NFIC: variants seen among roughly 807,000 people sequenced by gnomAD.
NFIC encodes nuclear factor 1 C-type.
NFIC carries 12 observed loss-of-function variants against 54.4 expected under a neutral mutation model. That is an observed-to-expected ratio of 0.22 (90% CI 0.14 to 0.36). The LOEUF is 0.36. NFIC is among the 10% of genes least tolerant of loss of function. The probability of loss-of-function intolerance (pLI) is 1.00; values close to 1 mark genes in which losing one functional copy is unlikely to be tolerated. For missense variants in NFIC, 575 were observed against 718.2 expected (o/e 0.80, Z 2.28); for synonymous variants, 322 against 319.2 (o/e 1.01, Z -0.09).
rs146145775 is a variant in NFIC at position 3,452,561 on chromosome 19, C to T, written c.1164C>T (p.Tyr388=). The T allele has an allele frequency of 2.5e-5, 40 of 1,613,812 alleles. No homozygotes were observed. Among genetic ancestry groups the T allele is most frequent in the Non-Finnish European group, 3.4e-5 (40 of 1,180,032 alleles). Residue 388 remains tyrosine (Y), a synonymous_variant, in exon 8 of 11, where the codon TAC becomes TAT. Transcript: ENST00000443272. This position sits in a 1 kb window ranked among gnomAD's most constrained non-coding sequence, Gnocchi z 5.3. ...TSILPQTAST[Y]FPHTAIRYPP... ...TCCTACCCCAGACGGCCTCCACCTACTTCCCCCACACGGCCATCCGCTACC... is the reference window on the plus strand; with the variant it reads ...TCCTACCCCAGACGGCCTCCACCTATTTCCCCCACACGGCCATCCGCTACC...
At chr19:3,433,244 C>G (rs914548423) in intron 3 of NFIC, among the ~76,000 whole-genome samples, 2 of 152,260 alleles carry the variant, frequency 1.3e-5, no homozygotes, top group Non-Finnish European at 2.9e-5. Flanking sequence ...GGATTACAGG[C>G]ATGAGCCACT....
Position 3,408,148 on chromosome 19 carries a change from G to A in NFIC, c.563-16958G>A, listed in dbSNP as rs759941009. ...TGGAAAATCAACCAGGCGAGCTCAC[G>A]GTGGCGGCCGATGCTGGAAACCTGG... On this transcript the variant is annotated intron_variant, in intron 2 of 10. Transcript: ENST00000443272. 3.9e-5 allele frequency among the ~76,000 whole-genome samples: 6 copies of A among 152,094 alleles called. No homozygotes were observed. The East Asian group carries it at 5.8e-4, about 15-fold the overall frequency.
intron 2 of NFIC, among the ~76,000 whole-genome samples, chr19:3,388,379 T>C (rs1395602046): frequency 6.6e-6 from 1 of 152,054 alleles, no homozygotes; most frequent in East Asian, 1.9e-4. Context: ...GGTTTAATTC[T>C]CTCCCCCATC....
At chr19:3,447,809 G>A (rs1467935049) in intron 6 of NFIC, among the ~76,000 whole-genome samples, 1 of 152,220 alleles carries the variant, frequency 6.6e-6, no homozygotes, top group Non-Finnish European at 1.5e-5. Flanking sequence ...CACACCCAGG[G>A]GCTTTCCAGG....
chr19:3,384,367 A>G lies in NFIC; in HGVS notation c.562+2124A>G, dbSNP rs1239195753. Among the ~76,000 whole-genome samples, 3 of 149,966 alleles carry G rather than the reference A, an allele frequency of 2.0e-5. No individual in the cohort carries two copies. The East Asian group carries it at 5.9e-4, about 29-fold the overall frequency. ...CAGCAGGCAAGAGCCACTGCACCAC[A>G]CCAGTTACCCAGTCTTTTTTTTTTT... is the stretch of plus-strand genomic sequence containing the variant. On this transcript the variant is annotated intron_variant, in intron 2 of 10. Transcript: ENST00000443272.
Position 3,370,590 on chromosome 19 carries a change from T to TTTCTCTCTCTCTCCCCGTCTCCC in NFIC, c.30+3932_30+3954dup, listed in dbSNP as rs2080985148. On this transcript the variant is annotated intron_variant, in intron 1 of 10. Coordinates refer to ENST00000443272, the MANE Select transcript of NFIC (RefSeq NM_001245002.2). The surrounding 1 kb of genome is among the most constrained non-coding windows in gnomAD (Gnocchi z 5.2). Reference sequence around the variant, plus strand: ...CTCCCTTTCCGTCTTTCCCTCTTCCTTTCTCTCTCTCTCCCCGTCTCCCTT... The same window carrying TTTCTCTCTCTCTCCCCGTCTCCC: ...CTCCCTTTCCGTCTTTCCCTCTTCCTTTCTCTCTCTCTCCCCGTCTCCCTTCTCTCTCTCTCCCCGTCTCCCTT... 6.7e-6 allele frequency among the ~76,000 whole-genome samples: 1 copy of TTTCTCTCTCTCTCCCCGTCTCCC among 148,822 alleles called. No homozygotes were observed. The highest frequency in any genetic ancestry group is 2.2e-4 in the South Asian group (1 of 4,622).
In NFIC at chr19:3,458,775, G is replaced by A. The variant is rs571310360; in HGVS notation, c.1509+2140G>A. Among the ~76,000 whole-genome samples the A allele has an allele frequency of 6.6e-6, 1 of 152,116 alleles. No individual in the cohort carries two copies. Among genetic ancestry groups the A allele is most frequent in the South Asian group, 2.1e-4 (1 of 4,830 alleles). ...TCTGGGGTAGTGGGGAGCCATAGAA[G>A]GGTTTAGAGGGAGGGAGTGGACACC... On this transcript the variant is annotated intron_variant, in intron 10 of 10. Transcript: ENST00000443272. The surrounding 1 kb of genome is among the most constrained non-coding windows in gnomAD (Gnocchi z 4.1).
intron 1 of NFIC, among the ~76,000 whole-genome samples, chr19:3,371,933 TTCCTTCCCTCCCTCCC>T (rs1393031648): frequency 8.9e-6 from 1 of 112,530 alleles, no homozygotes; most frequent in African/African-American, 3.5e-5. Context: ...CCTTCCTTCC[TTCCTTCCCTCCCTCCC>T]TCCCTCCTTC....
In NFIC at chr19:3,453,264, G is replaced by A. The variant is rs573587697; in HGVS notation, c.1270-499G>A. Among the ~76,000 whole-genome samples the A allele has an allele frequency of 7.2e-4, 110 of 152,100 alleles. No homozygotes were observed. Among genetic ancestry groups the A allele is most frequent in the African/African-American group, 2.4e-3 (101 of 41,494 alleles). Reference sequence around the variant, plus strand: ...AAAAAGAAAAAAAAGGTTGGGGGGCGGGGGGCAGGAAGACATTGATTACAA... The same window carrying A: ...AAAAAGAAAAAAAAGGTTGGGGGGCAGGGGGCAGGAAGACATTGATTACAA... On this transcript the variant is annotated intron_variant, in intron 8 of 10. Coordinates refer to ENST00000443272, the MANE Select transcript of NFIC (RefSeq NM_001245002.2). The surrounding 1 kb of genome is among the most constrained non-coding windows in gnomAD (Gnocchi z 6.7).
chr19:3,428,056 G>C lies in NFIC; in HGVS notation c.634+2879G>C, dbSNP rs143027173. Among the ~76,000 whole-genome samples the C allele has an allele frequency of 4.4e-3, 675 of 151,842 alleles. 8 individuals are homozygous for C. The highest frequency in any genetic ancestry group is 0.018 in the South Asian group (87 of 4,810). ...GTGGAGGCACATGCCTGTAATCCCAGCTACCCGAGAGGCTGAGGCAGGAGA... is the reference window on the plus strand; with the variant it reads ...GTGGAGGCACATGCCTGTAATCCCACCTACCCGAGAGGCTGAGGCAGGAGA... On this transcript the variant is annotated intron_variant, in intron 3 of 10. Transcript: ENST00000443272.
At position 3,434,409 on chromosome 19, in the gene NFIC, C is replaced by G. The variant is rs765007631; in HGVS notation, c.833+9C>G. The G allele has an allele frequency of 6.3e-7, 1 of 1,596,242 alleles. No homozygotes were observed. Among genetic ancestry groups the G allele is most frequent in the Non-Finnish European group, 8.5e-7 (1 of 1,170,922 alleles). On this transcript the variant is annotated intron_variant, in intron 5 of 10. Transcript: ENST00000443272. ...AGCACCTCCTCCAGTGGGTAAGTACCCAGGTCCCCACCTCTGGGCATTTCA... is the reference window on the plus strand; with the variant it reads ...AGCACCTCCTCCAGTGGGTAAGTACGCAGGTCCCCACCTCTGGGCATTTCA...
rs1192571959 is a variant in NFIC at position 3,452,683 on chromosome 19, G to A, written c.1269+17G>A. 10 of 1,582,884 alleles carry A rather than the reference G, an allele frequency of 6.3e-6. No homozygotes were observed. The highest frequency in any genetic ancestry group is 8.6e-6 in the Non-Finnish European group (10 of 1,165,596). On this transcript the variant is annotated intron_variant, in intron 8 of 10. Transcript: ENST00000443272. The surrounding 1 kb of genome is among the most constrained non-coding windows in gnomAD (Gnocchi z 5.3). ...CCTGGACCGGTGAGTTGGGCGGGGC[G>A]CATTCGGGCCTCTCCTGGCGGCTCC... is the stretch of plus-strand genomic sequence containing the variant.
intron 1 of NFIC, among the ~76,000 whole-genome samples, chr19:3,372,561 G>C (rs1299044045): frequency 1.3e-5 from 2 of 152,200 alleles, no homozygotes; most frequent in African/African-American, 4.8e-5. Context: ...GAGGTGACCA[G>C]GACTCCTTGA....
intron 6 of NFIC, among the ~76,000 whole-genome samples, chr19:3,443,136 T>C (rs191265298): frequency 2.6e-5 from 4 of 152,238 alleles, no homozygotes; most frequent in Admixed American, 1.3e-4. Context: ...GTATTAATTA[T>C]GTAGAAAAAA....
intron 2 of NFIC, among the ~76,000 whole-genome samples, chr19:3,404,016 C>A (rs906439973): frequency 2.0e-5 from 3 of 151,998 alleles, no homozygotes; most frequent in Non-Finnish European, 2.9e-5. Flanking sequence ...TCCACCCCCC[C>A]AGCCCCTGGC....
chr19:3,459,805 G>T lies in NFIC; in HGVS notation c.1510-2947G>T, dbSNP rs1011292870. Among the ~76,000 whole-genome samples, 1 of 152,260 alleles carries T rather than the reference G, an allele frequency of 6.6e-6. No homozygotes were observed. Among genetic ancestry groups the T allele is most frequent in the Admixed American group, 6.5e-5 (1 of 15,288 alleles). ...GAACTTGAACTTGGCTGGAGGTGGGGCGCTGGGAACCACTGTGGCGCCAGT... is the reference window on the plus strand; with the variant it reads ...GAACTTGAACTTGGCTGGAGGTGGGTCGCTGGGAACCACTGTGGCGCCAGT... On this transcript the variant is annotated intron_variant, in intron 10 of 10. Coordinates refer to ENST00000443272, the MANE Select transcript of NFIC (RefSeq NM_001245002.2). This position sits in a 1 kb window ranked among gnomAD's most constrained non-coding sequence, Gnocchi z 4.2.
chr19:3,363,227 A>ATGTGTG (rs1236874934), upstream of NFIC, among the ~76,000 whole-genome samples: 6 of 45,162 alleles, frequency 1.3e-4, no homozygotes, highest in African/African-American at 3.8e-4. Context: ...ATGTATATGT[A>ATGTGTG]TGTGTATGTG....
At position 3,435,150 on chromosome 19, in the gene NFIC, A is replaced by G. The variant is rs2082179227; in HGVS notation, c.901A>G (p.Thr301Ala). ...VDTSPGGDYY[T>A]SPSSPTSSSR... ...CACGAGCCCTGGCGGCGATTACTAC[A>G]CTTCGCCCAGCTCGCCCACGAGTAG... The change falls in exon 6 of 11, where the codon ACT becomes GCT. Residue 301 changes from threonine (T) to alanine (A), a missense_variant. By Grantham distance (58) the Thr-to-Ala change is moderately conservative. Around this residue, in one of 3 missense-constraint regions of NFIC, gnomAD observed 447 missense variants for 526.9 expected, o/e 0.85. Coordinates refer to ENST00000443272, the MANE Select transcript of NFIC (RefSeq NM_001245002.2). 6.2e-7 allele frequency: 1 copy of G among 1,605,344 alleles called. No homozygotes were observed. Among genetic ancestry groups the G allele is most frequent in the African/African-American group, 1.3e-5 (1 of 74,866 alleles).
chr19:3,383,801 C>T (rs2081250432), intron 2 of NFIC, among the ~76,000 whole-genome samples: 1 of 152,228 alleles, frequency 6.6e-6, no homozygotes, highest in Non-Finnish European at 1.5e-5. Context: ...CAGGCAGTTG[C>T]ACAGCCTGAG....
Sources: gnomAD v4.1 joint callset for allele counts (sites outside exome capture counted in the v4.1 genomes callset) on GRCh38, gnomAD v4.1.1 for gene constraint, gnomAD v4.1.1 regional missense constraint, Gnocchi (gnomAD v3.1) non-coding constraint, MANE v1.5 for transcripts, NCBI Gene and HGNC (gene_info 2026-07-23, HGNC 2026-07-21) for gene names.